The following SASH3 variants were observed in gnomAD, a reference collection of about 807,000 sequenced individuals.
SASH3 encodes the protein SAM and SH3 domain containing 3, also known as SAM and SH3 domain-containing protein 3.
Under a neutral mutation model 26.1 loss-of-function variants are expected in SASH3, and 7 were observed. The ratio of observed to expected loss-of-function variants is 0.27; its 90% CI spans 0.15 to 0.50. The LOEUF is 0.50. Among genes scored for constraint, SASH3 ranks in the 20% least tolerant of loss-of-function variants. The pLI is 0.98. For missense variants in SASH3, 231 were observed against 318.3 expected, an observed-to-expected ratio of 0.73 and a Z score of 2.09; for synonymous variants, 138 against 136.8, an observed-to-expected ratio of 1.01 and a Z score of -0.06.
At chrX:129,787,126 A>AC (rs1458763806) in intron 1 of SASH3, among the ~76,000 whole-genome samples, 1 of 111,594 alleles carries the variant, frequency 9.0e-6, no homozygotes, top group Non-Finnish European at 1.9e-5. Context: ...ACATGGTGAA[A>AC]CCCCGTCTCC....
chrX:129,793,824 G>T lies in SASH3; in HGVS notation c.1135G>T (p.Ala379Ser), dbSNP rs770200497. ...GCTGCAAGGCCTCTCCCTGGCCGGG[G>T]CACCTTGAGGTGGCGGTGGCAATAG... The part of the protein sequence containing the change: ...EQLQGLSLAG[A>S]P The change falls in exon 8 of 8, where the codon GCA (alanine) becomes TCA (serine). Residue 379 changes from alanine (A) to serine (S), a missense_variant. Coordinates refer to ENST00000356892, the MANE Select transcript of SASH3 (RefSeq NM_018990.4). 3.9e-5 allele frequency: 46 copies of T among 1,180,841 alleles called. No individual in the cohort carries two copies. The Admixed American group carries it at 1.1e-3, about 29-fold the overall frequency.
chrX:129,781,204 T>C (rs1271106839), intron 1 of SASH3, among the ~76,000 whole-genome samples: 1 of 111,837 alleles, frequency 8.9e-6, no homozygotes, highest in African/African-American at 3.3e-5. Flanking sequence ...TGCCCTATGG[T>C]GGATCCCCCT....
intron 1 of SASH3, among the ~76,000 whole-genome samples, chrX:129,785,425 T>C (rs1927090513): frequency 8.9e-6 from 1 of 111,828 alleles, no homozygotes; most frequent in Non-Finnish European, 1.9e-5. Flanking sequence ...CATGTGTTTG[T>C]CCTTTCCATC....
In SASH3 at chrX:129,789,157, GAAAGAA is replaced by G. The variant is rs756749094; in HGVS notation, c.300+582_300+587del. ...AGAAAGAAAGAAAGAAAGAAAGAAA[GAAAGAA>G]AGAGAAAAAAAAAAAAAAGAAAAGT... On this transcript the variant is annotated intron_variant, in intron 3 of 7. Coordinates refer to ENST00000356892, the MANE Select transcript of SASH3 (RefSeq NM_018990.4). Among the ~76,000 whole-genome samples the G allele has an allele frequency of 1.1e-3, 70 of 64,181 alleles. No homozygotes were observed. In the East Asian group the frequency reaches 0.023, roughly 21 times the overall value. 55.7% of individuals were successfully genotyped at this position (64,181 alleles called of 115,157 possible). A position where few individuals can be genotyped will look rare whatever the true frequency, so the allele number is the denominator to read the frequency against.
At position 129,779,992 on chromosome X, in the gene SASH3, C is replaced by A; in HGVS notation, c.-106C>A. On this transcript the variant is annotated 5_prime_UTR_variant, in exon 1 of 8. Coordinates refer to ENST00000356892, the MANE Select transcript of SASH3 (RefSeq NM_018990.4). ...CAGCAGTCAGAGTGGCAGCTGAAGG[C>A]TCGGTTCATGCCGTGCCCCCGGGCA... The A allele has an allele frequency of 1.3e-6, 1 of 790,123 alleles. No individual in the cohort carries two copies. The highest frequency in any genetic ancestry group is 2.8e-5 in the Admixed American group (1 of 35,668). 65.1% of individuals were successfully genotyped at this position (790,123 alleles called of 1,213,427 possible).
In SASH3 at chrX:129,794,608, C is replaced by G. The variant is rs1026724741; in HGVS notation, c.*776C>G. On this transcript the variant is annotated 3_prime_UTR_variant, in exon 8 of 8. Transcript: ENST00000356892. ...CAGGCTTTCAGATGAAATGGCTCCT[C>G]CTACTCACCCACTTTATTCCTCTCC... The G allele has an allele frequency of 3.6e-5, 4 of 111,563 alleles. No individual in the cohort carries two copies. The highest frequency in any genetic ancestry group is 7.5e-5 in the Non-Finnish European group (4 of 53,129). The allele number at this position is 111,563 out of a possible 1,213,427, so 9.2% of individuals were successfully genotyped here. A position where few individuals can be genotyped will look rare whatever the true frequency, so the allele number is the denominator to read the frequency against.
chrX:129,786,469 T>C lies in SASH3; in HGVS notation c.58-1506T>C, dbSNP rs149736276. On this transcript the variant is annotated intron_variant, in intron 1 of 7. Transcript: ENST00000356892. Reference sequence around the variant, plus strand: ...GAAAGAGGATGTGAAACCTTCAACGTTGTGTGGGTTTGGGGCTTCAGTTCC... The same window carrying C: ...GAAAGAGGATGTGAAACCTTCAACGCTGTGTGGGTTTGGGGCTTCAGTTCC... Among the ~76,000 whole-genome samples the C allele has an allele frequency of 3.5e-3, 382 of 110,343 alleles. 2 individuals are homozygous for C. Among genetic ancestry groups the C allele is most frequent in the African/African-American group, 0.012 (365 of 30,322 alleles).
intron 1 of SASH3, among the ~76,000 whole-genome samples, chrX:129,782,445 G>T (rs992356627): frequency 8.9e-6 from 1 of 112,230 alleles, no homozygotes; most frequent in African/African-American, 3.2e-5. Context: ...GCCAGGCACG[G>T]TGCTGTGCAT....
At chrX:129,789,057 G>A (rs1379036363) in intron 3 of SASH3, among the ~76,000 whole-genome samples, 9 of 101,602 alleles carry the variant, frequency 8.9e-5, no homozygotes, top group African/African-American at 3.3e-4. Context: ...TGCCAAGATC[G>A]TGCCACTGCA....
At chrX:129,783,764 C>T (rs1927058553) in intron 1 of SASH3, among the ~76,000 whole-genome samples, 1 of 110,755 alleles carries the variant, frequency 9.0e-6, no homozygotes, top group South Asian at 3.8e-4. Flanking sequence ...ATGCCTGATA[C>T]CCTGAAGGAG....
intron 1 of SASH3, among the ~76,000 whole-genome samples, chrX:129,787,232 A>T (rs1399765590): frequency 8.9e-6 from 1 of 112,474 alleles, no homozygotes; most frequent in East Asian, 2.8e-4. Context: ...GTCATGCCTA[A>T]AAGTCCAAAC....
intron 1 of SASH3, among the ~76,000 whole-genome samples, chrX:129,786,530 A>C (rs1212016943): frequency 9.1e-6 from 1 of 109,331 alleles, no homozygotes; most frequent in African/African-American, 3.3e-5. Context: ...AGTCTATCCC[A>C]CTCTATCTGT....
rs1469690801 is a variant in SASH3, at chrX:129,792,379, C to T, written c.494C>T (p.Pro165Leu). The change falls in exon 5 of 8, where the codon CCA becomes CTA. Residue 165 changes from proline (P) to leucine (L), a missense_variant. Pro to Leu is a moderately conservative substitution (Grantham distance 98, BLOSUM62 -3). Coordinates refer to ENST00000356892, the MANE Select transcript of SASH3 (RefSeq NM_018990.4). ...GGTTCTGGCAGCTTCGGGGAGGAAC[C>T]ACCTGCCCCCCAGTACACAGGGCCT... ...SPGSGSFGEE[P>L]PAPQYTGPFC... The T allele has an allele frequency of 1.7e-6, 2 of 1,209,278 alleles. No homozygotes were observed. The highest frequency in any genetic ancestry group is 2.2e-6 in the Non-Finnish European group (2 of 894,667).
At chrX:129,789,169 A>AAGAAAGAAAGAAAGAGAG (rs112301444) in intron 3 of SASH3, among the ~76,000 whole-genome samples, 4 of 36,413 alleles carry the variant, frequency 1.1e-4, no homozygotes, top group Non-Finnish European at 1.6e-4. Flanking sequence ...AAGAAAGAGA[A>AAGAAAGAAAGAAAGAGAG]AAAAAAAAAA....
At position 129,794,059 on chromosome X, in the gene SASH3, C is replaced by A; in HGVS notation, c.*227C>A. On this transcript the variant is annotated 3_prime_UTR_variant, in exon 8 of 8. Coordinates refer to ENST00000356892, the MANE Select transcript of SASH3 (RefSeq NM_018990.4). The stretch of plus-strand genomic sequence containing the variant: ...CACATCCCACCTGCCTGAGCCCCGC[C>A]CTCCACCAGCGACTGACAGCGCAGC... 1 of 389,354 alleles carries A rather than the reference C, an allele frequency of 2.6e-6. No individual in the cohort carries two copies. The highest frequency in any genetic ancestry group is 4.5e-6 in the Non-Finnish European group (1 of 223,610). The allele number at this position is 389,354 out of a possible 1,213,427, so 32.1% of individuals were successfully genotyped here.
chrX:129,787,429 G>T (rs897751844), intron 1 of SASH3, among the ~76,000 whole-genome samples: 1 of 111,922 alleles, frequency 8.9e-6, no homozygotes, highest in Non-Finnish European at 1.9e-5. Context: ...AGGTCTTGCT[G>T]GCTTCTAGTC....
Position 129,793,876 on chromosome X carries a change from G to T in SASH3, c.*44G>T, listed in dbSNP as rs774733328. 2 of 1,110,641 alleles carry T rather than the reference G, an allele frequency of 1.8e-6. No homozygotes were observed. Among genetic ancestry groups the T allele is most frequent in the Non-Finnish European group, 2.4e-6 (2 of 826,352 alleles). The allele number at this position is 1,110,641 out of a possible 1,213,427, so 91.5% of individuals were successfully genotyped here. ...CCAAGGCTGGGACCCAGCTGCAAAGGCTGTAGGAGTGGGCCCAGCCTCCCG... is the reference window on the plus strand; with the variant it reads ...CCAAGGCTGGGACCCAGCTGCAAAGTCTGTAGGAGTGGGCCCAGCCTCCCG... On this transcript the variant is annotated 3_prime_UTR_variant, in exon 8 of 8. Coordinates refer to ENST00000356892, the MANE Select transcript of SASH3 (RefSeq NM_018990.4).
At position 129,779,995 on chromosome X, in the gene SASH3, G is replaced by C; in HGVS notation, c.-103G>C. Reference sequence around the variant, plus strand: ...CAGTCAGAGTGGCAGCTGAAGGCTCGGTTCATGCCGTGCCCCCGGGCAGTT... The same window carrying C: ...CAGTCAGAGTGGCAGCTGAAGGCTCCGTTCATGCCGTGCCCCCGGGCAGTT... On this transcript the variant is annotated 5_prime_UTR_variant, in exon 1 of 8. Transcript: ENST00000356892. The C allele has an allele frequency of 1.2e-6, 1 of 820,427 alleles. No individual in the cohort carries two copies. Among genetic ancestry groups the C allele is most frequent in the Non-Finnish European group, 1.8e-6 (1 of 564,379 alleles). The allele number at this position is 820,427 out of a possible 1,213,427, so 67.6% of individuals were successfully genotyped here.
chrX:129,780,202 G>A (rs765849800), intron 1 of SASH3, 48 bp downstream of exon 1: 16 of 1,105,899 alleles, frequency 1.4e-5, no homozygotes, highest in East Asian at 3.1e-5. Context: ...CTGCTTGCTC[G>A]ACCCATCCCT....
Sources: gnomAD v4.1 joint callset for allele counts (sites outside exome capture counted in the v4.1 genomes callset) on GRCh38, gnomAD v4.1.1 for gene constraint, MANE v1.5 for transcripts, NCBI Gene and HGNC (gene_info 2026-07-23, HGNC 2026-07-21) for gene names.